The following UNC5A variants were observed in gnomAD, a reference collection of about 807,000 sequenced individuals.
UNC5A encodes the protein unc-5 netrin receptor A.
UNC5A carries 20 observed loss-of-function variants against 87.4 expected under a neutral mutation model. That is an observed-to-expected ratio of 0.23 (90% CI 0.16 to 0.33). UNC5A has a LOEUF of 0.33. Among genes scored for constraint, UNC5A ranks in the 10% least tolerant of loss-of-function variants. UNC5A has a pLI of 1.00. For synonymous variants in UNC5A, 438 were observed against 482.3 expected (o/e 0.91, Z 1.20); for missense variants, 844 against 1,133.4 (o/e 0.74, Z 3.67).
intron 1 of UNC5A, among the ~76,000 whole-genome samples, chr5:176,814,914 T>C (rs1756551326): frequency 6.6e-6 from 1 of 152,192 alleles, no homozygotes; most frequent in South Asian, 2.1e-4. Flanking sequence ...ATCCCATCCC[T>C]GTCCCTGAAC....
intron 1 of UNC5A, among the ~76,000 whole-genome samples, chr5:176,831,885 C>CTTTTTTTT (rs10580672): frequency 1.1e-4 from 3 of 27,660 alleles, no homozygotes; most frequent in African/African-American, 1.8e-4. Context: ...TTCTCTCTCT[C>CTTTTTTTT]TTTTTTTTTT....
At chr5:176,817,158 G>A (rs1017024832) in intron 1 of UNC5A, among the ~76,000 whole-genome samples, 1 of 152,136 alleles carries the variant, frequency 6.6e-6, no homozygotes, top group Admixed American at 6.5e-5. Flanking sequence ...AGGGCCAGCC[G>A]TCACCCTGAC....
At chr5:176,816,288 T>C (rs1756585767) in intron 1 of UNC5A, among the ~76,000 whole-genome samples, 1 of 152,164 alleles carries the variant, frequency 6.6e-6, no homozygotes, top group Non-Finnish European at 1.5e-5. Context: ...CCAAAAGTGG[T>C]TGGGAGGCAG....
intron 1 of UNC5A, among the ~76,000 whole-genome samples, chr5:176,825,409 C>T (rs773837457): frequency 1.1e-4 from 16 of 152,134 alleles, no homozygotes; most frequent in Admixed American, 2.6e-4. Context: ...CTGGAGGACA[C>T]GCTGGGAGGA....
chr5:176,877,741 TGGGCTAACTGCACGC>T, intron 10 of UNC5A, 38 bp downstream of exon 10: 1 of 1,558,038 alleles, frequency 6.4e-7, no homozygotes, highest in Non-Finnish European at 8.7e-7. Context: ...GAAGGGAACG[TGGGCTAACTGCACGC>T]TCCACCCGGC....
intron 1 of UNC5A, among the ~76,000 whole-genome samples, chr5:176,837,918 C>A (rs1350555431): frequency 6.6e-6 from 1 of 152,182 alleles, no homozygotes; most frequent in African/African-American, 2.4e-5. Context: ...GCTTCCTAAC[C>A]CCACCACCAC....
At chr5:176,856,716 A>G (rs190143457) in intron 1 of UNC5A, among the ~76,000 whole-genome samples, 335 of 152,134 alleles carry the variant, frequency 2.2e-3, no homozygotes, top group African/African-American at 7.6e-3. Flanking sequence ...ACCACAGTCC[A>G]CACCACTGGA....
Position 176,857,477 on chromosome 5 carries a change from GC to G in UNC5A, c.71-5142del, listed in dbSNP as rs1376335253. 2.0e-5 allele frequency among the ~76,000 whole-genome samples: 3 copies of G among 151,938 alleles called. No individual in the cohort carries two copies. In the East Asian group the frequency reaches 5.8e-4, roughly 29 times the overall value. On this transcript the variant is annotated intron_variant, in intron 1 of 14. Coordinates refer to ENST00000329542, the MANE Select transcript of UNC5A (RefSeq NM_133369.3). ...CTTTCTGTAGCTGCCACCCCCGTTG[GC>G]CCCCAGCCTCCCTACACACACGCAC...
At chr5:176,842,291 G>A (rs1005246381) in intron 1 of UNC5A, among the ~76,000 whole-genome samples, 2 of 152,250 alleles carry the variant, frequency 1.3e-5, no homozygotes. Flanking sequence ...AACTAGTACA[G>A]CCACTATGGA....
intron 1 of UNC5A, among the ~76,000 whole-genome samples, chr5:176,843,728 C>T (rs900504333): frequency 1.3e-5 from 2 of 152,260 alleles, no homozygotes; most frequent in African/African-American, 4.8e-5. Flanking sequence ...CCCTGACCCA[C>T]CGGGCTGCGC....
In UNC5A at chr5:176,878,535, C is replaced by G; in HGVS notation, c.2080C>G (p.Leu694Val). Residue 694 changes from leucine to valine, a missense_variant, in exon 13 of 15, where the codon CTG becomes GTG. Transcript: ENST00000329542. ...GCGGTACTTGCACTGCACCTTCACCCTGGAGCGTGTCAGCCCCAGCACTAG... is the reference window on the plus strand; with the variant it reads ...GCGGTACTTGCACTGCACCTTCACCGTGGAGCGTGTCAGCCCCAGCACTAG... ...TQRYLHCTFTLERVSPSTSDL... is the reference protein window; with the variant it reads ...TQRYLHCTFTVERVSPSTSDL... 6.2e-7 allele frequency: 1 copy of G among 1,613,252 alleles called. No individual in the cohort carries two copies. The highest frequency in any genetic ancestry group is 8.5e-7 in the Non-Finnish European group (1 of 1,179,984).
At chr5:176,826,265 C>T (rs902831954) in intron 1 of UNC5A, among the ~76,000 whole-genome samples, 1 of 152,210 alleles carries the variant, frequency 6.6e-6, no homozygotes, top group African/African-American at 2.4e-5. Flanking sequence ...CACTCTTCTG[C>T]CCCATCTATG....
chr5:176,836,231 G>T (rs1757146170), intron 1 of UNC5A, among the ~76,000 whole-genome samples: 1 of 152,214 alleles, frequency 6.6e-6, no homozygotes, highest in Admixed American at 6.5e-5. Context: ...GGCTGGACAT[G>T]ATGCGAAGGG....
At chr5:176,827,307 C>G (rs775676002) in intron 1 of UNC5A, among the ~76,000 whole-genome samples, 2 of 151,876 alleles carry the variant, frequency 1.3e-5, no homozygotes, top group East Asian at 1.9e-4. Context: ...CTCAGCCTCC[C>G]GAGTAGCTGG....
chr5:176,821,230 C>T (rs76412130), intron 1 of UNC5A, among the ~76,000 whole-genome samples: 3,121 of 152,328 alleles, frequency 0.02, 93 homozygotes, highest in African/African-American at 0.071. Flanking sequence ...GTTCCTCCAT[C>T]CATGCCTCTC....
chr5:176,874,393 C>T lies in UNC5A; in HGVS notation c.1205C>T (p.Pro402Leu). 6.2e-7 allele frequency: 1 copy of T among 1,613,778 alleles called. No individual in the cohort carries two copies. Among genetic ancestry groups the T allele is most frequent in the Non-Finnish European group, 8.5e-7 (1 of 1,179,962 alleles). ...FQLTNGHLLS[P>L]LGGGRHTLHH... ...CTCACCAATGGGCACCTGCTCAGCC[C>T]CCTGGGTGGCGGCCGCCACACACTG... is the stretch of plus-strand genomic sequence containing the variant. Residue 402 changes from proline to leucine, a missense_variant, in exon 8 of 15, where the codon CCC becomes CTC. By Grantham distance (98) the Pro-to-Leu change is moderately conservative. Around this residue, in one of 3 missense-constraint regions of UNC5A, gnomAD observed 353 missense variants for 387.5 expected, o/e 0.91. Coordinates refer to ENST00000329542, the MANE Select transcript of UNC5A (RefSeq NM_133369.3). This position sits in a 1 kb window ranked among gnomAD's most constrained non-coding sequence, Gnocchi z 7.6.
At chr5:176,826,636 CTTTTTTTTTTT>C (rs34466725) in intron 1 of UNC5A, among the ~76,000 whole-genome samples, 1 of 72,744 alleles carries the variant, frequency 1.4e-5, no homozygotes, top group South Asian at 5.9e-4. Flanking sequence ...AGTTTCCAAA[CTTTTTTTTTTT>C]TTTTTTTTTT....
chr5:176,863,730 C>G (rs1349821311), intron 2 of UNC5A, among the ~76,000 whole-genome samples: 2 of 128,476 alleles, frequency 1.6e-5, no homozygotes, highest in Non-Finnish European at 3.3e-5. Context: ...CCTCCTCCCC[C>G]TTTTCCCCCT....
At position 176,865,813 on chromosome 5, in the gene UNC5A, C is replaced by G. The variant is rs1026740902; in HGVS notation, c.293-2317C>G. 1 of 377,200 alleles carries G rather than the reference C, an allele frequency of 2.7e-6. No individual in the cohort carries two copies. The highest frequency in any genetic ancestry group is 2.1e-5 in the African/African-American group (1 of 47,340). 23.4% of individuals were successfully genotyped at this position (377,200 alleles called of 1,614,324 possible). A position where few individuals can be genotyped will look rare whatever the true frequency, so the allele number is the denominator to read the frequency against. On this transcript the variant is annotated intron_variant, in intron 2 of 14. Transcript: ENST00000329542. The surrounding 1 kb of genome is among the most constrained non-coding windows in gnomAD (Gnocchi z 5.3). ...GCCGGATGGACACCCAGGAGAGCAC[C>G]TACTTCCCTCTCGTTTGCCCTCATT...
Sources: allele counts gnomAD v4.1 joint callset (sites outside exome capture counted in the v4.1 genomes callset), GRCh38; gene constraint gnomAD v4.1.1; regional missense constraint gnomAD v4.1.1; non-coding constraint Gnocchi (gnomAD v3.1); transcripts MANE v1.5; gene names NCBI Gene and HGNC (gene_info 2026-07-23, HGNC 2026-07-21).